The following DNAJA4 variants were observed in gnomAD, a reference collection of about 807,000 sequenced individuals.
DNAJA4 encodes DnaJ heat shock protein family (Hsp40) member A4.
DNAJA4 carries 32 observed loss-of-function variants against 39.7 expected under a neutral mutation model. The observed-to-expected ratio is 0.81, with a 90% CI of 0.61 to 1.08. The LOEUF (loss-of-function observed/expected upper bound fraction) is 1.08. DNAJA4 is among the 50% of genes least tolerant of loss of function. DNAJA4 has a pLI of 0.00. For missense variants in DNAJA4, 439 were observed against 505.1 expected, an observed-to-expected ratio of 0.87 and a Z score of 1.25; for synonymous variants, 184 against 182.4, an observed-to-expected ratio of 1.01 and a Z score of -0.07.
Position 78,275,714 on chromosome 15 carries a change from T to C in DNAJA4, c.863T>C (p.Ile288Thr), listed in dbSNP as rs377119803. The C allele has an allele frequency of 1.1e-5, 18 of 1,607,956 alleles. No homozygotes were observed. Among genetic ancestry groups the C allele is most frequent in the Middle Eastern group, 1.7e-4 (1 of 5,958 alleles). The change falls in exon 5 of 7, where the codon ATT (isoleucine) becomes ACT (threonine). Residue 288 changes from isoleucine to threonine, a missense_variant. Transcript: ENST00000394852. ...ACATTGGACAATCGAATTCTTGTTA[T>C]TACATCCAAAGCAGGTAATGTTTCA... ...IKTLDNRILVITSKAGEVIKH... is the reference protein window; with the variant it reads ...IKTLDNRILVTTSKAGEVIKH...
chr15:78,267,948 G>A (rs991684849), intron 1 of DNAJA4, among the ~76,000 whole-genome samples: 2 of 152,054 alleles, frequency 1.3e-5, no homozygotes, highest in African/African-American at 2.4e-5. Context: ...CATAGCACTC[G>A]TCTCCCACTG....
intron 2 of DNAJA4, 84 bp downstream of exon 2, chr15:78,270,761 A>C (rs3169166): frequency 0.42 from 615,622 of 1,462,634 alleles, 131,755 homozygotes; most frequent in East Asian, 0.62. Context: ...ATCATGCTTT[A>C]AAAGGATATG....
chr15:78,277,319 C>G (rs1458362600), intron 5 of DNAJA4, among the ~76,000 whole-genome samples: 1 of 152,192 alleles, frequency 6.6e-6, no homozygotes, highest in Non-Finnish European at 1.5e-5. Context: ...CCACGCCCAT[C>G]TAATGTTTGT....
At chr15:78,273,316 G>T in intron 3 of DNAJA4, 117 bp downstream of exon 3, 1 of 705,186 alleles carries the variant, frequency 1.4e-6, no homozygotes. Context: ...GGGTCAAGCA[G>T]AGATTACAAA....
Position 78,280,433 on chromosome 15 carries a change from G to T in DNAJA4, c.1167G>T (p.Gln389His), listed in dbSNP as rs777275813. Residue 389 changes from glutamine to histidine, a missense_variant, in exon 7 of 7, where the codon CAG (glutamine) becomes CAT (histidine). Coordinates refer to ENST00000394852, the MANE Select transcript of DNAJA4 (RefSeq NM_001130182.2). ...ACGAGGAGGACGAAGACGGGCCCCA[G>T]GCTGGAGTGCAGTGCCAGACGGCAT... ...EAYEEDEDGP[Q>H]AGVQCQTA The T allele has an allele frequency of 6.2e-7, 1 of 1,612,856 alleles. No individual in the cohort carries two copies. Among genetic ancestry groups the T allele is most frequent in the Non-Finnish European group, 8.5e-7 (1 of 1,179,706 alleles).
chr15:78,280,539 T>C lies in DNAJA4; in HGVS notation c.*79T>C. 1 of 1,247,486 alleles carries C rather than the reference T, an allele frequency of 8.0e-7. No individual in the cohort carries two copies. Among genetic ancestry groups the C allele is most frequent in the Non-Finnish European group, 1.1e-6 (1 of 897,570 alleles). The allele number at this position is 1,247,486 out of a possible 1,614,324, so 77.3% of individuals were successfully genotyped here. On this transcript the variant is annotated 3_prime_UTR_variant, in exon 7 of 7. Transcript: ENST00000394852. ...TGGCACAATGAAAATGACATCGCTT[T>C]AATGGCCTTGTGTTTGGGATGTCCT...
At chr15:78,275,834 T>C in intron 5 of DNAJA4, 106 bp downstream of exon 5, 1 of 763,716 alleles carries the variant, frequency 1.3e-6, no homozygotes, top group Non-Finnish European at 2.1e-6. Context: ...TACATATTGA[T>C]GGGGTGCATG....
rs753727387 is a variant in DNAJA4, at chr15:78,275,545, G to A, written c.694G>A (p.Glu232Lys). The A allele has an allele frequency of 1.4e-5, 23 of 1,614,200 alleles. No homozygotes were observed. In the South Asian group the frequency reaches 2.5e-4, roughly 18 times the overall value. Residue 232 changes from glutamate (E) to lysine (K), a missense_variant, in exon 5 of 7, where the codon GAG becomes AAG. Physicochemically the swap from Glu to Lys is moderately conservative, Grantham distance 56. Transcript: ENST00000394852. ...KILFHGEGDQ[E>K]PELEPGDVII... is the part of the protein sequence containing the mutation. ...ACTATTTCATGGAGAAGGAGATCAG[G>A]AGCCTGAGCTGGAGCCTGGTGATGT...
In DNAJA4 at chr15:78,281,118, G is replaced by C. The variant is rs1157753399; in HGVS notation, c.*658G>C. On this transcript the variant is annotated 3_prime_UTR_variant, in exon 7 of 7. Transcript: ENST00000394852. Reference sequence around the variant, plus strand: ...TTTTCTGAACCTTCCAAGCTCTGTGGTGAGGACAAACCAGTGTTTGAATCA... The same window carrying C: ...TTTTCTGAACCTTCCAAGCTCTGTGCTGAGGACAAACCAGTGTTTGAATCA... The C allele has an allele frequency of 6.5e-6, 1 of 152,694 alleles. No homozygotes were observed. Among genetic ancestry groups the C allele is most frequent in the African/African-American group, 2.4e-5 (1 of 41,446 alleles). The allele number at this position is 152,694 out of a possible 1,614,324, so 9.5% of individuals were successfully genotyped here. A position where few individuals can be genotyped will look rare whatever the true frequency, so the allele number is the denominator to read the frequency against.
intron 4 of DNAJA4, chr15:78,275,215 G>A (rs2049417752): frequency 2.4e-6 from 1 of 419,410 alleles, no homozygotes; most frequent in Non-Finnish European, 4.3e-6. Flanking sequence ...TGGTGGTGTG[G>A]CATCACAGGC....
intron 1 of DNAJA4, chr15:78,269,909 G>T (rs2049247133): frequency 6.6e-6 from 1 of 152,292 alleles, no homozygotes; most frequent in Non-Finnish European, 1.5e-5. Context: ...CAAATGTGAA[G>T]GTAGCATCAG....
At chr15:78,266,290 A>G (rs1426945674) in intron 1 of DNAJA4, 1 of 1,613,800 alleles carries the variant, frequency 6.2e-7, no homozygotes, top group South Asian at 1.1e-5. Context: ...CAGCACTCAC[A>G]AGAGTAAGTT....
chr15:78,275,239 T>G (rs1595926877), intron 4 of DNAJA4: 5 of 465,594 alleles, frequency 1.1e-5, no homozygotes, highest in South Asian at 3.2e-5. Context: ...GGGCAGGGAG[T>G]GCTGTGTAAA....
At chr15:78,264,305 GC>G (rs1280958177), upstream of DNAJA4, 3 of 1,389,312 alleles carry the variant, frequency 2.2e-6, no homozygotes, top group South Asian at 3.1e-5. Flanking sequence ...GCCTTCTCCG[GC>G]CCCCGCCATG....
upstream of DNAJA4, chr15:78,264,291 A>G: frequency 7.3e-7 from 1 of 1,371,844 alleles, no homozygotes; most frequent in Middle Eastern, 2.2e-4. Flanking sequence ...TCCAGGCCCA[A>G]GCCGCCTTCT....
chr15:78,270,465 T>C, intron 1 of DNAJA4, 32 bp from the exon 2 acceptor site: 2 of 1,591,300 alleles, frequency 1.3e-6, no homozygotes, highest in Middle Eastern at 1.7e-4. Flanking sequence ...CTGAAACTTC[T>C]CTAAAAATCT....
intron 1 of DNAJA4, chr15:78,265,432 C>G: frequency 1.4e-6 from 1 of 700,544 alleles, no homozygotes. Flanking sequence ...TACTGCCTAC[C>G]TGATAAAAGC....
chr15:78,270,347 A>G (rs1320692504), intron 1 of DNAJA4, 150 bp from the exon 2 acceptor site: 13 of 750,456 alleles, frequency 1.7e-5, no homozygotes, highest in Non-Finnish European at 2.8e-5. Context: ...TAGACAGGCA[A>G]GTCAGATTCC....
intron 5 of DNAJA4, 116 bp downstream of exon 5, chr15:78,275,844 G>A (rs1424813911): frequency 1.4e-6 from 1 of 713,934 alleles, no homozygotes; most frequent in East Asian, 2.7e-5. Flanking sequence ...TGGGGTGCAT[G>A]TGATACTTTG....
Sources: allele counts gnomAD v4.1 joint callset (sites outside exome capture counted in the v4.1 genomes callset), GRCh38; gene constraint gnomAD v4.1.1; transcripts MANE v1.5; gene names NCBI Gene and HGNC (gene_info 2026-07-23, HGNC 2026-07-21).